Variants in TRIM36 observed in about 807,000 individuals in gnomAD.
TRIM36 encodes the protein E3 ubiquitin-protein ligase TRIM36.
TRIM36 carries 42 observed loss-of-function variants against 72.4 expected under a neutral mutation model. The observed-to-expected ratio is 0.58, with a 90% CI of 0.45 to 0.75. TRIM36 has a LOEUF of 0.75. Among genes scored for constraint, TRIM36 ranks in the 30% least tolerant of loss-of-function variants. The pLI, the probability that TRIM36 is intolerant of heterozygous loss-of-function variation, is 0.00. For missense variants in TRIM36, 913 were observed against 857.1 expected (o/e 1.07, Z -0.81); for synonymous variants, 315 against 282.8 (o/e 1.11, Z -1.14).
At chr5:115,143,247 A>C (rs975330415) in intron 4 of TRIM36, among the ~76,000 whole-genome samples, 5 of 144,412 alleles carry the variant, frequency 3.5e-5, no homozygotes, top group Admixed American at 7.4e-5. Flanking sequence ...AAAAAAAAAA[A>C]AACAAATCTC....
chr5:115,173,237 C>G (rs1259711132), upstream of TRIM36, among the ~76,000 whole-genome samples: 5 of 152,174 alleles, frequency 3.3e-5, no homozygotes, highest in Non-Finnish European at 7.3e-5. Flanking sequence ...TTCCTTTCTT[C>G]TTCCCTGTCT....
At chr5:115,157,866 G>C (rs991146166) in intron 2 of TRIM36, among the ~76,000 whole-genome samples, 2 of 152,152 alleles carry the variant, frequency 1.3e-5, no homozygotes, top group Admixed American at 6.5e-5. Context: ...CTCAGGAATG[G>C]AAAACCAAAC....
At chr5:115,136,568 C>A (rs899976549) in intron 7 of TRIM36, among the ~76,000 whole-genome samples, 7 of 151,506 alleles carry the variant, frequency 4.6e-5, no homozygotes, top group African/African-American at 1.7e-4. Flanking sequence ...TACACTTGCC[C>A]AAAAAACTCT....
At chr5:115,171,337 A>T, upstream of TRIM36, 1 of 1,420,550 alleles carries the variant, frequency 7.0e-7, no homozygotes, top group Non-Finnish European at 9.6e-7. Context: ...CCAGGTAATA[A>T]TGCCTGGGCT....
intron 1 of TRIM36, among the ~76,000 whole-genome samples, chr5:115,178,339 CT>C (rs1028569260): frequency 3.3e-5 from 5 of 152,224 alleles, no homozygotes; most frequent in African/African-American, 9.7e-5. Context: ...TCCCTGCCCC[CT>C]AGCCCCTCAA....
At chr5:115,174,440 C>T (rs1479157386), upstream of TRIM36, among the ~76,000 whole-genome samples, 1 of 152,184 alleles carries the variant, frequency 6.6e-6, no homozygotes, top group African/African-American at 2.4e-5. Flanking sequence ...GATTGGCACA[C>T]GGACCACCTA....
chr5:115,134,491 T>C (rs1752860279), intron 7 of TRIM36, among the ~76,000 whole-genome samples: 1 of 152,044 alleles, frequency 6.6e-6, no homozygotes. Context: ...CTAAACAAAC[T>C]ATTATTTTAA....
intron 1 of TRIM36, 64 bp downstream of exon 1, chr5:115,169,540 GGAAA>G: frequency 6.8e-7 from 1 of 1,469,830 alleles, no homozygotes; most frequent in Middle Eastern, 1.8e-4. Context: ...TCCCGGCGGA[GGAAA>G]GAGAAAGAGC....
chr5:115,129,207 A>C (rs1235695835), intron 9 of TRIM36, among the ~76,000 whole-genome samples: 1 of 152,226 alleles, frequency 6.6e-6, no homozygotes, highest in Admixed American at 6.5e-5. Flanking sequence ...CGCAACAATG[A>C]AATTGCCTTG....
intron 4 of TRIM36, among the ~76,000 whole-genome samples, chr5:115,143,047 G>C (rs1296835761): frequency 6.6e-6 from 1 of 151,916 alleles, no homozygotes; most frequent in East Asian, 1.9e-4. Flanking sequence ...CTGTTGTAAA[G>C]AGAAAGAACT....
At chr5:115,155,910 G>A (rs1431550395) in intron 2 of TRIM36, among the ~76,000 whole-genome samples, 1 of 152,056 alleles carries the variant, frequency 6.6e-6, no homozygotes, top group Admixed American at 6.6e-5. Flanking sequence ...AAACCCTAAA[G>A]CCTCCTCCAG....
rs1237073477 is a variant in TRIM36, at chr5:115,126,103, T to A, written c.*400A>T. On this transcript the variant is annotated 3_prime_UTR_variant, in exon 10 of 10. Coordinates refer to ENST00000513154, the MANE Select transcript of TRIM36 (RefSeq NM_001300759.2). The stretch of plus-strand genomic sequence containing the variant: ...ATCCATAAGGCATTTAAAAAATATC[T>A]TCTCTTAGGACATAAACATGATATA... The A allele has an allele frequency of 6.0e-6, 1 of 166,824 alleles. No homozygotes were observed. Among genetic ancestry groups the A allele is most frequent in the South Asian group, 1.7e-4 (1 of 5,858 alleles). The allele number at this position is 166,824 out of a possible 1,614,324, so 10.3% of individuals were successfully genotyped here.
At chr5:115,160,267 C>T (rs930391270) in intron 2 of TRIM36, among the ~76,000 whole-genome samples, 1 of 152,042 alleles carries the variant, frequency 6.6e-6, no homozygotes, top group Admixed American at 6.5e-5. Flanking sequence ...GCCAAAACTA[C>T]AATATACGTA....
chr5:115,148,019 T>C (rs1194676550), intron 2 of TRIM36, among the ~76,000 whole-genome samples: 1 of 152,208 alleles, frequency 6.6e-6, no homozygotes, highest in Non-Finnish European at 1.5e-5. Flanking sequence ...CTTTCCCACG[T>C]AGTATTGTTT....
At chr5:115,161,070 G>A (rs1437626446) in intron 2 of TRIM36, among the ~76,000 whole-genome samples, 4 of 152,112 alleles carry the variant, frequency 2.6e-5, no homozygotes, top group Admixed American at 2.0e-4. Flanking sequence ...CATACTTACA[G>A]CATTCGCACC....
chr5:115,134,219 A>G, intron 7 of TRIM36, 72 bp from the exon 8 acceptor site: 1 of 1,372,490 alleles, frequency 7.3e-7, no homozygotes, highest in Non-Finnish European at 9.7e-7. Flanking sequence ...TCCTCAATAA[A>G]ATGACATATA....
Position 115,126,115 on chromosome 5 carries a change from A to T in TRIM36, c.*388T>A. The T allele has an allele frequency of 5.7e-6, 1 of 176,274 alleles. No individual in the cohort carries two copies. The highest frequency in any genetic ancestry group is 1.2e-5 in the Non-Finnish European group (1 of 82,276). The allele number at this position is 176,274 out of a possible 1,614,324, so 10.9% of individuals were successfully genotyped here. A position where few individuals can be genotyped will look rare whatever the true frequency, so the allele number is the denominator to read the frequency against. ...TTTAAAAAATATCTTCTCTTAGGACATAAACATGATATAAAAATGAAAAGT... is the reference window on the plus strand; with the variant it reads ...TTTAAAAAATATCTTCTCTTAGGACTTAAACATGATATAAAAATGAAAAGT... On this transcript the variant is annotated 3_prime_UTR_variant, in exon 10 of 10. Transcript: ENST00000513154.
intron 8 of TRIM36, among the ~76,000 whole-genome samples, chr5:115,131,608 A>G (rs970318485): frequency 3.3e-5 from 5 of 152,250 alleles, no homozygotes; most frequent in Admixed American, 6.5e-5. Flanking sequence ...TGGTATATAC[A>G]TACAATGGAA....
intron 1 of TRIM36, among the ~76,000 whole-genome samples, chr5:115,164,551 C>T (rs952157321): frequency 2.0e-5 from 3 of 152,184 alleles, no homozygotes; most frequent in African/African-American, 7.2e-5. Context: ...TACTGCCTTA[C>T]AAAACCATCA....
Sources: gnomAD v4.1 joint callset for allele counts (sites outside exome capture counted in the v4.1 genomes callset) on GRCh38, gnomAD v4.1.1 for gene constraint, MANE v1.5 for transcripts, NCBI Gene and HGNC (gene_info 2026-07-23, HGNC 2026-07-21) for gene names.